Variants in ATP10B observed in about 807,000 individuals in gnomAD.
ATP10B encodes phospholipid-transporting ATPase VB.
Under a neutral mutation model 141.2 loss-of-function variants are expected in ATP10B, and 122 were observed. The ratio of observed to expected loss-of-function variants is 0.86; its 90% CI spans 0.75 to 1.00. The LOEUF (loss-of-function observed/expected upper bound fraction) is 1.00, where lower values mean the gene tolerates loss of function less well. Among genes scored for constraint, ATP10B ranks in the 50% least tolerant of loss-of-function variants. The pLI, the probability that ATP10B is intolerant of heterozygous loss-of-function variation, is 0.00. For missense variants in ATP10B, 1,876 were observed against 1,825.3 expected, an observed-to-expected ratio of 1.03 and a Z score of -0.51; for synonymous variants, 685 against 692.0, an observed-to-expected ratio of 0.99 and a Z score of 0.16.
chr5:160,804,153 A>G (rs1157651815), intron 1 of ATP10B, among the ~76,000 whole-genome samples: 2 of 152,194 alleles, frequency 1.3e-5, no homozygotes, highest in Non-Finnish European at 2.9e-5. Context: ...AGCTACTTCT[A>G]TAAGGGATGA....
chr5:160,802,689 C>T (rs150368842), intron 1 of ATP10B, among the ~76,000 whole-genome samples: 288 of 152,332 alleles, frequency 1.9e-3, no homozygotes, highest in African/African-American at 6.7e-3. Context: ...TTTTCCATTT[C>T]TTCCAGCCTA....
chr5:160,622,546 C>A lies in ATP10B; in HGVS notation c.1660G>T (p.Val554Phe). The change falls in exon 14 of 26, where the codon GTT (valine) becomes TTT (phenylalanine). Residue 554 changes from valine (V) to phenylalanine (F), a missense_variant. By Grantham distance (50) the Val-to-Phe change is conservative. Coordinates refer to ENST00000327245, the MANE Select transcript of ATP10B (RefSeq NM_025153.3). ...TCCAACCACAGGGCAGCATCTCGAA[C>A]CTTGGTCAGTAGGTTTTTATCTGGA... ...VTPDKNLLTK[V>F]RDAALWLETL... 6.2e-7 allele frequency: 1 copy of A among 1,613,626 alleles called. No individual in the cohort carries two copies. The highest frequency in any genetic ancestry group is 1.3e-5 in the African/African-American group (1 of 75,026).
chr5:160,826,940 T>C (rs1359497707), intron 1 of ATP10B, among the ~76,000 whole-genome samples: 1 of 152,184 alleles, frequency 6.6e-6, no homozygotes, highest in Non-Finnish European at 1.5e-5. Context: ...TTAAGATGTT[T>C]ATCAAGACAA....
intron 1 of ATP10B, among the ~76,000 whole-genome samples, chr5:160,824,956 T>C (rs1774464376): frequency 1.2e-5 from 1 of 82,064 alleles, no homozygotes; most frequent in Non-Finnish European, 3.4e-5. Context: ...CCTGTGTTCC[T>C]TAAACTCTTT....
chr5:160,583,830 A>G (rs1419992659), intron 24 of ATP10B, among the ~76,000 whole-genome samples: 2 of 152,182 alleles, frequency 1.3e-5, no homozygotes, highest in Non-Finnish European at 2.9e-5. Context: ...TTACACTGTG[A>G]GGGGAATACC....
chr5:160,797,526 T>C (rs1049856373), intron 1 of ATP10B, among the ~76,000 whole-genome samples: 1 of 152,212 alleles, frequency 6.6e-6, no homozygotes, highest in African/African-American at 2.4e-5. Flanking sequence ...ACTTTGAAAG[T>C]AGGGGCTATA....
chr5:160,724,760 C>A (rs1766221426), intron 2 of ATP10B, among the ~76,000 whole-genome samples: 1 of 152,192 alleles, frequency 6.6e-6, no homozygotes, highest in African/African-American at 2.4e-5. Flanking sequence ...GCAAACCTCC[C>A]TTGAGCACCT....
intron 9 of ATP10B, 81 bp from the exon 10 acceptor site, chr5:160,640,673 G>A (rs768356586): frequency 6.5e-7 from 1 of 1,532,072 alleles, no homozygotes; most frequent in Non-Finnish European, 8.8e-7. Flanking sequence ...CTTCTCACAG[G>A]AGCTTAAGAT....
At chr5:160,643,485 A>ACAG (rs1760031900) in intron 9 of ATP10B, among the ~76,000 whole-genome samples, 1 of 152,230 alleles carries the variant, frequency 6.6e-6, no homozygotes, top group Admixed American at 6.5e-5. Flanking sequence ...TACTAGAGAT[A>ACAG]CAGCAGCTCC....
chr5:160,881,673 G>C, the ATP10B span, among the ~76,000 whole-genome samples: 1 of 151,974 alleles, frequency 6.6e-6, no homozygotes, highest in Non-Finnish European at 1.5e-5. Context: ...TTATCCGGGC[G>C]TGGGGTGGGC....
chr5:160,636,103 G>A (rs1330187269), intron 11 of ATP10B, 79 bp downstream of exon 11: 2 of 1,474,034 alleles, frequency 1.4e-6, no homozygotes, highest in East Asian at 2.3e-5. Context: ...GGCCAGCACT[G>A]TTTTTTCTTT....
chr5:160,874,127 A>G, the ATP10B span, among the ~76,000 whole-genome samples: 3 of 152,082 alleles, frequency 2.0e-5, no homozygotes, highest in African/African-American at 4.8e-5. Flanking sequence ...GCAGACTTAA[A>G]TGTCCCTGTC....
At chr5:160,709,460 T>G (rs1030969444) in intron 3 of ATP10B, among the ~76,000 whole-genome samples, 23 of 152,182 alleles carry the variant, frequency 1.5e-4, no homozygotes, top group African/African-American at 5.3e-4. Flanking sequence ...GCTTAACTAG[T>G]AATCAGGGAC....
intron 1 of ATP10B, among the ~76,000 whole-genome samples, chr5:160,830,623 A>G (rs185465856): frequency 6.4e-4 from 97 of 152,124 alleles, no homozygotes; most frequent in Admixed American, 2.8e-3. Flanking sequence ...ATCTATGTTC[A>G]TTAGAAATTG....
At chr5:160,610,089 T>G (rs549104263) in intron 18 of ATP10B, among the ~76,000 whole-genome samples, 1 of 152,332 alleles carries the variant, frequency 6.6e-6, no homozygotes, top group Admixed American at 6.5e-5. Flanking sequence ...CTGGTATTCA[T>G]GCCCTTGTGT....
intron 2 of ATP10B, among the ~76,000 whole-genome samples, chr5:160,767,963 G>T (rs139894758): frequency 2.0e-5 from 3 of 151,890 alleles, no homozygotes; most frequent in Admixed American, 2.0e-4. Flanking sequence ...TTTCTCTCCC[G>T]AACATTTCTG....
chr5:160,609,400 G>T (rs1312219407), intron 18 of ATP10B, among the ~76,000 whole-genome samples: 1 of 148,902 alleles, frequency 6.7e-6, no homozygotes, highest in African/African-American at 2.5e-5. Flanking sequence ...TTTTTTTGAG[G>T]CAGAGTCTCA....
chr5:160,765,744 A>C (rs1242569565), intron 2 of ATP10B, among the ~76,000 whole-genome samples: 1 of 152,204 alleles, frequency 6.6e-6, no homozygotes, highest in African/African-American at 2.4e-5. Flanking sequence ...CTGCTCAGCA[A>C]ATGAAATTAT....
intron 1 of ATP10B, among the ~76,000 whole-genome samples, chr5:160,841,721 T>C (rs1775819773): frequency 6.6e-6 from 1 of 152,092 alleles, no homozygotes. Context: ...GATTTCTTTT[T>C]ATTTAATTTA....
Sources: allele counts gnomAD v4.1 joint callset (sites outside exome capture counted in the v4.1 genomes callset), GRCh38; gene constraint gnomAD v4.1.1; transcripts MANE v1.5; gene names NCBI Gene and HGNC (gene_info 2026-07-23, HGNC 2026-07-21).